Variants in NOX3 observed in about 807,000 individuals in gnomAD.
The protein encoded by NOX3 is NADPH oxidase 3.
In NOX3, 74 loss-of-function variants were observed where a neutral mutation model predicts 76.7. The ratio of observed to expected loss-of-function variants is 0.96; its 90% CI spans 0.80 to 1.17. NOX3 has a LOEUF of 1.17. NOX3 is among the 50% of genes most tolerant of loss of function. The pLI is 0.00. For synonymous variants in NOX3, 263 were observed against 261.1 expected (o/e 1.01, Z -0.07); for missense variants, 695 against 703.3 (o/e 0.99, Z 0.13).
At chr6:155,424,516 G>A (rs1473881452) in intron 9 of NOX3, among the ~76,000 whole-genome samples, 1 of 152,224 alleles carries the variant, frequency 6.6e-6, no homozygotes, top group African/African-American at 2.4e-5. Context: ...CCTAAGGGGT[G>A]TCTGTTGAAG....
chr6:155,424,241 T>C (rs1367555256), intron 9 of NOX3, among the ~76,000 whole-genome samples: 1 of 152,160 alleles, frequency 6.6e-6, no homozygotes, highest in Non-Finnish European at 1.5e-5. Context: ...TATTGGTGTG[T>C]ATGCGTGATC....
chr6:155,426,120 T>C (rs879327668), intron 9 of NOX3, among the ~76,000 whole-genome samples: 1 of 152,226 alleles, frequency 6.6e-6, no homozygotes, highest in Non-Finnish European at 1.5e-5. Context: ...TCTTTGTATG[T>C]TGAAGATTTA....
intron 10 of NOX3, among the ~76,000 whole-genome samples, chr6:155,419,049 G>A (rs1161322831): frequency 6.6e-6 from 1 of 152,244 alleles, no homozygotes; most frequent in African/African-American, 2.4e-5. Flanking sequence ...GACACCGTTA[G>A]ATAAATATGT....
chr6:155,411,097 A>G (rs1776543445), intron 11 of NOX3, 117 bp downstream of exon 11: 2 of 745,316 alleles, frequency 2.7e-6, no homozygotes. Flanking sequence ...CCTTTTAAGA[A>G]CATAAAAATA....
chr6:155,453,526 A>C, intron 3 of NOX3, 38 bp from the exon 4 acceptor site: 1 of 1,467,792 alleles, frequency 6.8e-7, no homozygotes, highest in South Asian at 1.1e-5. Context: ...TTATGGAAAA[A>C]TTGCAGTGAA....
rs1253248876 is a variant in NOX3 at position 155,445,969 on chromosome 6, AAT to A, written c.341-2553_341-2552del. Among the ~76,000 whole-genome samples, 16 of 96,662 alleles carry A rather than the reference AAT, an allele frequency of 1.7e-4. 1 individual carries two copies. The highest frequency in any genetic ancestry group is 5.4e-4 in the African/African-American group (13 of 23,982). The allele number at this position is 96,662 out of a possible 152,430, so 63.4% of individuals were successfully genotyped here. On this transcript the variant is annotated intron_variant, in intron 4 of 13. Coordinates refer to ENST00000159060, the MANE Select transcript of NOX3 (RefSeq NM_015718.3). ...TAATATATATATGCTATATATATATAATATATATATGCTATATATATATATAT... is the reference window on the plus strand; with the variant it reads ...TAATATATATATGCTATATATATATAATATATATGCTATATATATATATAT...
chr6:155,398,967 G>A (rs951693851), intron 12 of NOX3, among the ~76,000 whole-genome samples: 2 of 152,162 alleles, frequency 1.3e-5, no homozygotes, highest in African/African-American at 4.8e-5. Flanking sequence ...GATGGCTATT[G>A]GTGTCTGCCT....
chr6:155,451,310 A>C (rs138949943), intron 4 of NOX3, among the ~76,000 whole-genome samples: 5 of 152,214 alleles, frequency 3.3e-5, no homozygotes, highest in Non-Finnish European at 4.4e-5. Context: ...CCACAGAAGA[A>C]AGAGCATGAG....
At position 155,454,881 on chromosome 6, in the gene NOX3, T is replaced by C. The variant is rs745400442; in HGVS notation, c.185A>G (p.Asn62Ser). 1 of 1,610,930 alleles carries C rather than the reference T, an allele frequency of 6.2e-7. No homozygotes were observed. The highest frequency in any genetic ancestry group is 1.1e-5 in the South Asian group (1 of 90,314). ...TATTAGAATTAGCATGCAGTTAAAA[T>C]TCAGGCACAGTGCGGATGCTCGTGC... Reference protein sequence around the residue: ...AWARASALCLNFNCMLILIPV... With the variant: ...AWARASALCLSFNCMLILIPV... The change falls in exon 3 of 14, where the codon AAT (asparagine) becomes AGT (serine). Residue 62 changes from asparagine (N) to serine (S), a missense_variant. Transcript: ENST00000159060.
chr6:155,445,619 T>C (rs1252544815), intron 4 of NOX3, among the ~76,000 whole-genome samples: 1 of 152,082 alleles, frequency 6.6e-6, no homozygotes, highest in African/African-American at 2.4e-5. Context: ...CCAGCACAAA[T>C]GATAGTATGA....
intron 12 of NOX3, among the ~76,000 whole-genome samples, chr6:155,401,966 A>G (rs1779235386): frequency 6.6e-6 from 1 of 152,206 alleles, no homozygotes; most frequent in African/African-American, 2.4e-5. Context: ...TATTTTATTC[A>G]ATTAATTAAA....
intron 11 of NOX3, 105 bp from the exon 12 acceptor site, chr6:155,407,359 G>A (rs1186680609): frequency 4.5e-6 from 5 of 1,112,982 alleles, no homozygotes; most frequent in Non-Finnish European, 6.3e-6. Flanking sequence ...AATTAAAAAT[G>A]TGTACAGGGC....
intron 4 of NOX3, among the ~76,000 whole-genome samples, chr6:155,452,756 C>T (rs1413652902): frequency 1.3e-5 from 2 of 152,062 alleles, no homozygotes; most frequent in Non-Finnish European, 2.9e-5. Flanking sequence ...CCTTTTATTT[C>T]AATGTCTTTG....
At chr6:155,438,793 A>G (rs1041624264) in intron 6 of NOX3, among the ~76,000 whole-genome samples, 2 of 152,224 alleles carry the variant, frequency 1.3e-5, no homozygotes, top group Non-Finnish European at 2.9e-5. Context: ...CCTCCGGGAC[A>G]GGACCCTCCA....
intron 9 of NOX3, among the ~76,000 whole-genome samples, chr6:155,426,986 T>TGTGCGTGC (rs199556445): frequency 2.4e-5 from 2 of 84,334 alleles, no homozygotes; most frequent in African/African-American, 5.6e-5. Flanking sequence ...CACTGTGGCG[T>TGTGCGTGC]GTGTGTGTGT....
Position 155,455,760 on chromosome 6 carries a change from A to G in NOX3, c.41T>C (p.Ile14Thr). The G allele has an allele frequency of 8.1e-6, 13 of 1,612,670 alleles. No homozygotes were observed. Among genetic ancestry groups the G allele is most frequent in the Non-Finnish European group, 1.1e-5 (13 of 1,178,710 alleles). ...CWILNEGLST[I>T]LVLSWLGINF... is the part of the protein sequence containing the mutation. Reference sequence around the variant, plus strand: ...AACAAAAATGATACTTACTACTAATATGGTGGAGAGACCCTCATTCAAAAT... The same window carrying G: ...AACAAAAATGATACTTACTACTAATGTGGTGGAGAGACCCTCATTCAAAAT... The change falls in exon 1 of 14, where the codon ATA becomes ACA. Residue 14 changes from isoleucine to threonine, a missense_variant. Transcript: ENST00000159060.
intron 4 of NOX3, among the ~76,000 whole-genome samples, chr6:155,452,861 C>A (rs1312947233): frequency 6.6e-6 from 1 of 152,142 alleles, no homozygotes; most frequent in Non-Finnish European, 1.5e-5. Flanking sequence ...ATTTCTAGTG[C>A]CTTCCTCTTA....
At chr6:155,414,091 G>A (rs1334973998) in intron 10 of NOX3, among the ~76,000 whole-genome samples, 1 of 152,198 alleles carries the variant, frequency 6.6e-6, no homozygotes, top group Middle Eastern at 3.4e-3. Context: ...TTTTCCCTCC[G>A]TAATTGACTT....
chr6:155,438,871 G>A (rs898795250), intron 6 of NOX3, among the ~76,000 whole-genome samples: 3 of 152,236 alleles, frequency 2.0e-5, no homozygotes, highest in African/African-American at 7.2e-5. Context: ...GGGAACAGAG[G>A]AGTTGCTGCT....
Sources: allele counts gnomAD v4.1 joint callset (sites outside exome capture counted in the v4.1 genomes callset), GRCh38; gene constraint gnomAD v4.1.1; transcripts MANE v1.5; gene names NCBI Gene and HGNC (gene_info 2026-07-23, HGNC 2026-07-21).